TRAK2: variants seen among roughly 807,000 people sequenced by gnomAD.
The protein encoded by TRAK2 is trafficking kinesin protein 2.
Under a neutral mutation model 104.6 loss-of-function variants are expected in TRAK2, and 81 were observed. The observed-to-expected ratio is 0.77, with a 90% CI of 0.65 to 0.93. The LOEUF is 0.93. Among genes scored for constraint, TRAK2 ranks in the 40% least tolerant of loss-of-function variants. The probability of loss-of-function intolerance (pLI) is 0.00; values close to 1 mark genes in which losing one functional copy is unlikely to be tolerated. For missense variants in TRAK2, 1,002 were observed against 1,089.0 expected (o/e 0.92, Z 1.12); for synonymous variants, 406 against 394.4 (o/e 1.03, Z -0.35).
At chr2:201,393,977 T>G (rs1481942976) in intron 9 of TRAK2, among the ~76,000 whole-genome samples, 1 of 152,196 alleles carries the variant, frequency 6.6e-6, no homozygotes, top group Non-Finnish European at 1.5e-5. Flanking sequence ...CTCAAATTCC[T>G]GGGCTCAAGC....
rs1306790540 is a variant in TRAK2 at position 201,379,815 on chromosome 2, T to C, written c.*728A>G. The stretch of plus-strand genomic sequence containing the variant: ...ATCCCTCCCACCCTCTACCCAGTTG[T>C]TTTTTTTTTTGGAGGTTGTATAAAA... On this transcript the variant is annotated 3_prime_UTR_variant, in exon 16 of 16. Coordinates refer to ENST00000332624, the MANE Select transcript of TRAK2 (RefSeq NM_015049.3). 6.9e-6 allele frequency: 1 copy of C among 145,732 alleles called. No homozygotes were observed. The highest frequency in any genetic ancestry group is 6.9e-5 in the Admixed American group (1 of 14,464). The allele number at this position is 145,732 out of a possible 1,614,324, so 9.0% of individuals were successfully genotyped here.
At chr2:201,413,505 A>G (rs1186867958) in intron 2 of TRAK2, among the ~76,000 whole-genome samples, 1 of 152,048 alleles carries the variant, frequency 6.6e-6, no homozygotes, top group Non-Finnish European at 1.5e-5. Context: ...AGACTGAAAG[A>G]CCTATTGTCA....
At chr2:201,444,080 A>G (rs1259750857) in intron 1 of TRAK2, among the ~76,000 whole-genome samples, 1 of 152,080 alleles carries the variant, frequency 6.6e-6, no homozygotes, top group Non-Finnish European at 1.5e-5. Flanking sequence ...ACGTGCCTGT[A>G]GTCCTGGCTA....
intron 1 of TRAK2, among the ~76,000 whole-genome samples, chr2:201,430,917 G>C (rs958023000): frequency 1.3e-5 from 2 of 152,230 alleles, no homozygotes; most frequent in Non-Finnish European, 2.9e-5. Context: ...CACGCTGGAA[G>C]CTGTAGACTG....
intron 2 of TRAK2, chr2:201,413,120 C>CA: frequency 8.7e-7 from 1 of 1,146,122 alleles, no homozygotes; most frequent in Non-Finnish European, 1.3e-6. Flanking sequence ...TTATCAAAGA[C>CA]AAAAACAGCC....
chr2:201,386,714 G>A (rs988435720), intron 13 of TRAK2, among the ~76,000 whole-genome samples: 1 of 151,962 alleles, frequency 6.6e-6, no homozygotes, highest in African/African-American at 2.4e-5. Flanking sequence ...CACCTAAAGG[G>A]GTGAAAAAAA....
chr2:201,407,398 C>T lies in TRAK2; in HGVS notation c.286+5G>A. 1 of 1,609,136 alleles carries T rather than the reference C, an allele frequency of 6.2e-7. No homozygotes were observed. Among genetic ancestry groups the T allele is most frequent in the Non-Finnish European group, 8.5e-7 (1 of 1,177,840 alleles). ...ACAAACTAAAAGAGTAAAAAAAATA[C>T]TCACTCATGTAACGGAAAGTCTCTT... On this transcript the variant is annotated splice_donor_5th_base_variant and intron_variant, in intron 3 of 15. Coordinates refer to ENST00000332624, the MANE Select transcript of TRAK2 (RefSeq NM_015049.3).
rs751637483 is a variant in TRAK2 at position 201,401,053 on chromosome 2, T to C, written c.328A>G (p.Asn110Asp). 1 of 1,611,592 alleles carries C rather than the reference T, an allele frequency of 6.2e-7. No homozygotes were observed. The highest frequency in any genetic ancestry group is 1.1e-5 in the South Asian group (1 of 90,786). The change falls in exon 4 of 16, where the codon AAT (asparagine) becomes GAT (aspartate). Residue 110 changes from asparagine (N) to aspartate (D), a missense_variant. Physicochemically the swap from Asn to Asp is conservative, Grantham distance 23 (BLOSUM62 1). Transcript: ENST00000332624. ...AGATGTGTAACCATGTCGATGTCAT[T>C]GTAAGTTTTGGTCATCTGCTCCACC... ...DRVEQMTKTY[N>D]DIDMVTHLLA...
At chr2:201,395,285 A>AT (rs1559440856) in intron 8 of TRAK2, 29 bp downstream of exon 8, 1 of 1,578,030 alleles carries the variant, frequency 6.3e-7, no homozygotes, top group Admixed American at 1.7e-5. Flanking sequence ...TGCTTAACAA[A>AT]TATCTGTTGA....
At chr2:201,428,010 G>T (rs1381046795) in intron 1 of TRAK2, among the ~76,000 whole-genome samples, 1 of 152,088 alleles carries the variant, frequency 6.6e-6, no homozygotes, top group Admixed American at 6.5e-5. Flanking sequence ...TTTTTGATGG[G>T]GTTGTTTGAT....
chr2:201,432,346 G>A (rs951130902), intron 1 of TRAK2, among the ~76,000 whole-genome samples: 2 of 152,148 alleles, frequency 1.3e-5, no homozygotes, highest in African/African-American at 4.8e-5. Flanking sequence ...CTGTGCACAC[G>A]TATTCTGTGC....
intron 1 of TRAK2, among the ~76,000 whole-genome samples, chr2:201,424,615 G>GT (rs1951770907): frequency 7.0e-6 from 1 of 143,170 alleles, no homozygotes; most frequent in African/African-American, 2.6e-5. Flanking sequence ...TTTTTTTTTT[G>GT]TTTTTGAGAC....
intron 1 of TRAK2, among the ~76,000 whole-genome samples, chr2:201,426,707 C>G (rs766068708): frequency 3.3e-5 from 5 of 152,184 alleles, no homozygotes; most frequent in African/African-American, 4.8e-5. Flanking sequence ...AAGAATCATG[C>G]CAGAAAAATG....
intron 2 of TRAK2, chr2:201,411,202 C>A: frequency 1.4e-6 from 1 of 719,798 alleles, no homozygotes; most frequent in Non-Finnish European, 2.5e-6. Context: ...TTAACAGCAG[C>A]AATAGGTGTG....
chr2:201,423,037 CCA>C (rs142826543), intron 1 of TRAK2, among the ~76,000 whole-genome samples: 14,128 of 134,022 alleles, frequency 0.11, 778 homozygotes, highest in East Asian at 0.23. Context: ...AACACCACCA[CCA>C]CACACACACA....
chr2:201,412,134 C>A (rs572777093), intron 2 of TRAK2: 2 of 1,037,210 alleles, frequency 1.9e-6, no homozygotes, highest in Admixed American at 3.4e-5. Flanking sequence ...CATTCCTCAA[C>A]GATCAGTAGA....
At chr2:201,437,042 A>G (rs1192242637) in intron 1 of TRAK2, among the ~76,000 whole-genome samples, 3 of 152,360 alleles carry the variant, frequency 2.0e-5, no homozygotes, top group South Asian at 2.1e-4. Flanking sequence ...TTGTTTTTCA[A>G]AACCAGTTGT....
intron 1 of TRAK2, among the ~76,000 whole-genome samples, chr2:201,424,258 AT>A (rs530588119): frequency 6.6e-6 from 1 of 152,336 alleles, no homozygotes; most frequent in South Asian, 2.1e-4. Flanking sequence ...GGAAATGATC[AT>A]TTTTAGGTAG....
chr2:201,408,633 G>A (rs1214579744), intron 2 of TRAK2, among the ~76,000 whole-genome samples: 1 of 152,136 alleles, frequency 6.6e-6, no homozygotes, highest in Non-Finnish European at 1.5e-5. Context: ...GCAGCCTGCT[G>A]AATTTTTAAA....
Sources: gnomAD v4.1 joint callset for allele counts (sites outside exome capture counted in the v4.1 genomes callset) on GRCh38, gnomAD v4.1.1 for gene constraint, MANE v1.5 for transcripts, NCBI Gene and HGNC (gene_info 2026-07-23, HGNC 2026-07-21) for gene names.